Variants in CADM3 observed in about 807,000 individuals in gnomAD.
The protein encoded by CADM3 is cell adhesion molecule 3.
In CADM3, 11 loss-of-function variants were observed where a neutral mutation model predicts 44.9. The ratio of observed to expected loss-of-function variants is 0.25; its 90% CI spans 0.15 to 0.41. The LOEUF (loss-of-function observed/expected upper bound fraction) is 0.41, where lower values mean the gene tolerates loss of function less well. Ranked by LOEUF, CADM3 falls within the 10% of genes least tolerant of loss-of-function variation. The probability of loss-of-function intolerance (pLI) is 1.00; values close to 1 mark genes in which losing one functional copy is unlikely to be tolerated. For missense variants in CADM3, 426 were observed against 512.0 expected (o/e 0.83, Z 1.62); for synonymous variants, 207 against 205.2 (o/e 1.01, Z -0.08).
rs924611633 is a variant in CADM3 at position 159,196,395 on chromosome 1, T to G, written c.723T>G (p.Pro241=). The change falls in exon 6 of 9, where the codon CCT becomes CCG. Residue 241 remains proline (P), a synonymous_variant. Coordinates refer to ENST00000368125, the MANE Select transcript of CADM3 (RefSeq NM_001127173.3). Reference sequence around the variant, plus strand: ...CAACTGCGATGATTAGGCCAGACCCTCCCCATCCTCGTGAGGGCCAGAAGC... The same window carrying G: ...CAACTGCGATGATTAGGCCAGACCCGCCCCATCCTCGTGAGGGCCAGAAGC... ...YTPTAMIRPD[P]PHPREGQKLL... The G allele has an allele frequency of 3.1e-6, 5 of 1,613,954 alleles. No homozygotes were observed. Among genetic ancestry groups the G allele is most frequent in the Non-Finnish European group, 4.2e-6 (5 of 1,179,988 alleles).
intron 1 of CADM3, among the ~76,000 whole-genome samples, chr1:159,187,113 C>G (rs1199478210): frequency 6.6e-6 from 1 of 152,168 alleles, no homozygotes; most frequent in African/African-American, 2.4e-5. Context: ...GAAAAAAGCA[C>G]AGATGAAAGA....
At chr1:159,172,272 CGT>C (rs1343766227) in intron 1 of CADM3, among the ~76,000 whole-genome samples, 32 of 151,952 alleles carry the variant, frequency 2.1e-4, no homozygotes, top group Non-Finnish European at 1.5e-5. Context: ...TCAGTCAGGG[CGT>C]GTGTCGGGTG....
In CADM3 at chr1:159,187,248, C is replaced by T. The variant is rs190384650; in HGVS notation, c.89-4688C>T. ...AATTACCAGAGCCAATTAAATGTAC[C>T]GAGAGCCCACTAGGGGCTAAGTGCT... is the stretch of plus-strand genomic sequence containing the variant. On this transcript the variant is annotated intron_variant, in intron 1 of 8. Transcript: ENST00000368125. Among the ~76,000 whole-genome samples the T allele has an allele frequency of 1.5e-3, 235 of 152,246 alleles. 1 individual carries two copies. Among genetic ancestry groups the T allele is most frequent in the Admixed American group, 2.1e-3 (32 of 15,296 alleles).
At chr1:159,200,518 G>GCACACA (rs56164429) in intron 8 of CADM3, among the ~76,000 whole-genome samples, 56 of 151,000 alleles carry the variant, frequency 3.7e-4, no homozygotes, top group Non-Finnish European at 3.5e-4. Flanking sequence ...ATGCGTGCAA[G>GCACACA]CACACACACA....
intron 7 of CADM3, among the ~76,000 whole-genome samples, chr1:159,199,296 TAAAA>T (rs1650042844): frequency 7.0e-6 from 1 of 142,206 alleles, no homozygotes; most frequent in African/African-American, 2.7e-5. Flanking sequence ...ACCCAGAAAT[TAAAA>T]AGAAAAAGAG....
chr1:159,188,460 C>T (rs1025886458), intron 1 of CADM3, among the ~76,000 whole-genome samples: 2 of 151,978 alleles, frequency 1.3e-5, no homozygotes, highest in African/African-American at 4.8e-5. Context: ...CCCCCGCGCG[C>T]CCTCTCTCGG....
rs1650194095 is a variant in CADM3, at chr1:159,201,343, CT to C, written c.*422del. ...GGGCAGGGCTGGTTTCAGCTGGGGG[CT>C]CTCACCAGCCCTCCTTTCAGCCTCT... On this transcript the variant is annotated 3_prime_UTR_variant, in exon 9 of 9. Transcript: ENST00000368125. 1 of 152,448 alleles carries C rather than the reference CT, an allele frequency of 6.6e-6. No homozygotes were observed. The highest frequency in any genetic ancestry group is 1.5e-5 in the Non-Finnish European group (1 of 68,230). 9.4% of individuals were successfully genotyped at this position (152,448 alleles called of 1,614,324 possible).
intron 1 of CADM3, among the ~76,000 whole-genome samples, chr1:159,188,798 G>A (rs1649529156): frequency 1.3e-5 from 2 of 152,230 alleles, no homozygotes; most frequent in South Asian, 4.1e-4. Context: ...CAGACAGGTA[G>A]GGGTAAGGTA....
intron 1 of CADM3, among the ~76,000 whole-genome samples, chr1:159,182,105 C>A (rs1464288893): frequency 6.7e-6 from 1 of 148,620 alleles, no homozygotes; most frequent in Non-Finnish European, 1.5e-5. Flanking sequence ...CACATGCCAC[C>A]TGTCCTCACA....
At chr1:159,194,853 T>C (rs1171805346) in intron 5 of CADM3, 3 of 152,172 alleles carry the variant, frequency 2.0e-5, no homozygotes, top group Non-Finnish European at 4.4e-5. Context: ...GAAACGGGAA[T>C]TTCTCATCTG....
chr1:159,171,852 C>A lies in CADM3; in HGVS notation c.87C>A (p.Asp29Glu), dbSNP rs1309269516. 4.8e-6 allele frequency: 6 copies of A among 1,242,090 alleles called. No homozygotes were observed. In the South Asian group the frequency reaches 1.2e-4, roughly 25 times the overall value. The allele number at this position is 1,242,090 out of a possible 1,614,324, so 76.9% of individuals were successfully genotyped here. A position where few individuals can be genotyped will look rare whatever the true frequency, so the allele number is the denominator to read the frequency against. The stretch of plus-strand genomic sequence containing the variant: ...CCGGCGGGGCCAACCTCTCCCAGGA[C>A]GGTGAGTGAGGGAGGGGGCGGCGCC... ...WAPGGANLSQ[D>E]DSQPWTSDET... Residue 29 changes from aspartate (D) to glutamate (E), a missense_variant and splice_region_variant, in exon 1 of 9, where the codon GAC (aspartate) becomes GAA (glutamate). By Grantham distance (45) the Asp-to-Glu change is conservative. This residue lies in a region of CADM3 where 64 missense variants were observed against 37.4 expected (regional missense o/e 1.71). Coordinates refer to ENST00000368125, the MANE Select transcript of CADM3 (RefSeq NM_001127173.3).
intron 1 of CADM3, among the ~76,000 whole-genome samples, chr1:159,190,208 T>C (rs1347496398): frequency 1.3e-5 from 2 of 152,208 alleles, no homozygotes; most frequent in African/African-American, 4.8e-5. Context: ...GACAAAGGGA[T>C]GACTGGTCAA....
chr1:159,198,817 TACAGGTTGTCAATCCTCTAC>T (rs1650018857), intron 7 of CADM3, among the ~76,000 whole-genome samples: 1 of 152,172 alleles, frequency 6.6e-6, no homozygotes, highest in Non-Finnish European at 1.5e-5. Context: ...TGATCCTCTA[TACAGGTTGTCAATCCTCTAC>T]ATAGGTTGCC....
chr1:159,172,110 G>T (rs1371649229), intron 1 of CADM3, among the ~76,000 whole-genome samples: 1 of 152,168 alleles, frequency 6.6e-6, no homozygotes, highest in African/African-American at 2.4e-5. Flanking sequence ...TCTCGGGGCT[G>T]ATGTCCGTTA....
At chr1:159,189,139 T>G (rs1239839916) in intron 1 of CADM3, among the ~76,000 whole-genome samples, 1 of 152,176 alleles carries the variant, frequency 6.6e-6, no homozygotes, top group Non-Finnish European at 1.5e-5. Flanking sequence ...AGTCTCACAT[T>G]GAAACAAATA....
At chr1:159,190,303 G>A (rs943400995) in intron 1 of CADM3, among the ~76,000 whole-genome samples, 1 of 152,160 alleles carries the variant, frequency 6.6e-6, no homozygotes, top group African/African-American at 2.4e-5. Context: ...GCTTTACTCA[G>A]CCAGCTCAGT....
chr1:159,192,689 C>G lies in CADM3; in HGVS notation c.341C>G (p.Thr114Ser). 6.2e-7 allele frequency: 1 copy of G among 1,614,122 alleles called. No homozygotes were observed. Among genetic ancestry groups the G allele is most frequent in the Non-Finnish European group, 8.5e-7 (1 of 1,180,032 alleles). The change falls in exon 3 of 9, where the codon ACT becomes AGT. Residue 114 changes from threonine to serine, a missense_variant. This residue lies in a region of CADM3 where 362 missense variants were observed against 474.6 expected (regional missense o/e 0.76). Coordinates refer to ENST00000368125, the MANE Select transcript of CADM3 (RefSeq NM_001127173.3). ...GGCGAGTACACCTGCTCAATCTTCACTATGCCTGTGCGAACTGCCAAGTCC... is the reference window on the plus strand; with the variant it reads ...GGCGAGTACACCTGCTCAATCTTCAGTATGCCTGTGCGAACTGCCAAGTCC... ...DEGEYTCSIF[T>S]MPVRTAKSLV...
At chr1:159,187,670 T>C (rs1649471081) in intron 1 of CADM3, among the ~76,000 whole-genome samples, 1 of 152,220 alleles carries the variant, frequency 6.6e-6, no homozygotes, top group Non-Finnish European at 1.5e-5. Flanking sequence ...ACCGAGGGAC[T>C]GAGTGTGAGT....
chr1:159,190,413 G>C (rs1218672685), intron 1 of CADM3, among the ~76,000 whole-genome samples: 1 of 152,200 alleles, frequency 6.6e-6, no homozygotes, highest in East Asian at 1.9e-4. Context: ...AAAGACACAG[G>C]AACAGAGTTC....
Sources: allele counts gnomAD v4.1 joint callset (sites outside exome capture counted in the v4.1 genomes callset), GRCh38; gene constraint gnomAD v4.1.1; regional missense constraint gnomAD v4.1.1; transcripts MANE v1.5; gene names NCBI Gene and HGNC (gene_info 2026-07-23, HGNC 2026-07-21).